CEP97: variants seen among roughly 807,000 people sequenced by gnomAD.
CEP97 encodes centrosomal protein 97, also known as centrosomal protein of 97 kDa.
In CEP97, 43 loss-of-function variants were observed where a neutral mutation model predicts 73.1. That is an observed-to-expected ratio of 0.59 (90% confidence interval 0.46 to 0.76). The LOEUF (loss-of-function observed/expected upper bound fraction) is 0.76, where lower values mean the gene tolerates loss of function less well. Ranked by LOEUF, CEP97 falls within the 30% of genes least tolerant of loss-of-function variation. CEP97 has a pLI of 0.00. For synonymous variants in CEP97, 337 were observed against 370.0 expected, an observed-to-expected ratio of 0.91 and a Z score of 1.02; for missense variants, 939 against 1,014.0, an observed-to-expected ratio of 0.93 and a Z score of 1.00.
At chr3:101,731,627 A>C (rs549371986) in intron 4 of CEP97, among the ~76,000 whole-genome samples, 1 of 152,370 alleles carries the variant, frequency 6.6e-6, no homozygotes, top group East Asian at 1.9e-4. Flanking sequence ...TCTTTAAAAT[A>C]TCATGAGCTT....
chr3:101,725,189 A>C lies in CEP97; in HGVS notation c.43+470A>C, dbSNP rs184956573. On this transcript the variant is annotated intron_variant, in intron 1 of 10. Transcript: ENST00000341893. ...TTTGAACCCTTCCTCGGAGGTGGCC[A>C]GTGGCCGTGATAAAATCTAAGGGAT... Among the ~76,000 whole-genome samples the C allele has an allele frequency of 2.7e-4, 41 of 152,276 alleles. 1 individual carries two copies. The East Asian group carries it at 7.1e-3, about 26-fold the overall frequency.
rs150381754 is a variant in CEP97 at position 101,729,400 on chromosome 3, G to C, written c.447+463G>C. ...TTAAGTTTGAAACTTTTTGTTGTTA[G>C]TTATATAACTCATTTATTTGATGTG... is the stretch of plus-strand genomic sequence containing the variant. On this transcript the variant is annotated intron_variant, in intron 4 of 10. Transcript: ENST00000341893. 7.6e-4 allele frequency among the ~76,000 whole-genome samples: 115 copies of C among 152,002 alleles called. 2 individuals carry two copies. In the East Asian group the frequency reaches 0.022, roughly 29 times the overall value.
Position 101,757,720 on chromosome 3 carries a change from GTA to G in CEP97, c.1115_1116del (p.Val372AlafsTer9). The G allele has an allele frequency of 6.2e-7, 1 of 1,614,202 alleles. No homozygotes were observed. The highest frequency in any genetic ancestry group is 8.5e-7 in the Non-Finnish European group (1 of 1,180,046). ...GGTTAAGAATAATTTTCCAGCCTCT[GTA>G]CACACTACGAGATATTCTCGAAATG... is the stretch of plus-strand genomic sequence containing the variant. ...FAVKNNFPAS[V>X]HTTRYSRNDL... On this transcript the variant is annotated frameshift_variant, in exon 9 of 11. Coordinates refer to ENST00000341893, the MANE Select transcript of CEP97 (RefSeq NM_024548.4). LOFTEE classifies it high-confidence loss of function.
At chr3:101,731,661 A>G (rs1938113990) in intron 4 of CEP97, among the ~76,000 whole-genome samples, 179 bp from the exon 5 acceptor site, 2 of 152,208 alleles carry the variant, frequency 1.3e-5, no homozygotes, top group South Asian at 2.1e-4. Context: ...GAAAACAGAG[A>G]GTTGGACCAG....
At chr3:101,739,685 A>T (rs1167097847) in intron 6 of CEP97, among the ~76,000 whole-genome samples, 1 of 152,118 alleles carries the variant, frequency 6.6e-6, no homozygotes, top group Non-Finnish European at 1.5e-5. Flanking sequence ...AGGTGGGTGG[A>T]TCATGAGGTC....
intron 6 of CEP97, among the ~76,000 whole-genome samples, chr3:101,741,919 G>A (rs1938468812): frequency 6.6e-6 from 1 of 151,994 alleles, no homozygotes; most frequent in South Asian, 2.1e-4. Flanking sequence ...GCGCGCACCT[G>A]TAATCCCAGC....
At chr3:101,738,140 A>G (rs1938341304) in intron 6 of CEP97, among the ~76,000 whole-genome samples, 1 of 152,152 alleles carries the variant, frequency 6.6e-6, no homozygotes, top group African/African-American at 2.4e-5. Context: ...ATGGAACAAG[A>G]AGAGCTAACT....
At chr3:101,764,665 C>G (rs1297461569) in intron 10 of CEP97, among the ~76,000 whole-genome samples, 182 bp from the exon 11 acceptor site, 2 of 150,914 alleles carry the variant, frequency 1.3e-5, no homozygotes, top group African/African-American at 2.4e-5. Flanking sequence ...GGAGTCCTAG[C>G]TGGTTAGGAG....
At chr3:101,763,711 TATGTTTTTAGGTATTTTAGA>T (rs1939231571) in intron 10 of CEP97, among the ~76,000 whole-genome samples, 1 of 152,238 alleles carries the variant, frequency 6.6e-6, no homozygotes, top group Non-Finnish European at 1.5e-5. Context: ...AAGAATTTGG[TATGTTTTTAGGTATTTTAGA>T]AAGTTGCATA....
chr3:101,726,536 A>T, intron 1 of CEP97, 58 bp from the exon 2 acceptor site: 1 of 1,320,208 alleles, frequency 7.6e-7, no homozygotes, highest in Non-Finnish European at 1.0e-6. Context: ...CCCTATGCTT[A>T]GCTGTTGTAC....
At chr3:101,763,714 G>A (rs922850906) in intron 10 of CEP97, among the ~76,000 whole-genome samples, 4 of 152,110 alleles carry the variant, frequency 2.6e-5, no homozygotes, top group African/African-American at 9.7e-5. Flanking sequence ...AATTTGGTAT[G>A]TTTTTAGGTA....
chr3:101,752,228 T>A (rs1938851484), intron 6 of CEP97, among the ~76,000 whole-genome samples: 1 of 152,192 alleles, frequency 6.6e-6, no homozygotes. Flanking sequence ...TGGCCCCCAC[T>A]CTCTTCTGGC....
At chr3:101,758,550 G>T in intron 9 of CEP97, 127 bp downstream of exon 9, 1 of 1,166,226 alleles carries the variant, frequency 8.6e-7, no homozygotes, top group South Asian at 1.5e-5. Flanking sequence ...CTGTTGCTTT[G>T]GTTGTCTCCT....
chr3:101,732,761 A>G (rs1938154508), intron 6 of CEP97, 107 bp downstream of exon 6: 2 of 905,012 alleles, frequency 2.2e-6, no homozygotes, highest in African/African-American at 1.7e-5. Context: ...TAACAAGAGT[A>G]TTAGTGCAGT....
chr3:101,755,796 G>A (rs957015152), intron 7 of CEP97, among the ~76,000 whole-genome samples: 25 of 152,150 alleles, frequency 1.6e-4, no homozygotes, highest in Non-Finnish European at 1.5e-5. Context: ...AGGAATAGAG[G>A]GGTTTTTTTG....
chr3:101,737,103 TC>T (rs1415914703), intron 6 of CEP97, among the ~76,000 whole-genome samples: 7 of 152,042 alleles, frequency 4.6e-5, no homozygotes, highest in African/African-American at 1.7e-4. Context: ...AGATTGAAGA[TC>T]AACTTAATGA....
In CEP97 at chr3:101,758,335, T is replaced by A. The variant is rs1939077549; in HGVS notation, c.1729T>A (p.Tyr577Asn). The change falls in exon 9 of 11, where the codon TAC (tyrosine) becomes AAC (asparagine). Residue 577 changes from tyrosine (Y) to asparagine (N), a missense_variant. Tyr to Asn is a moderately radical substitution (Grantham distance 143). Transcript: ENST00000341893. ...ACWRGFYARN[Y>N]NPQAKDVRYE... ...TTGGCGGGGATTTTATGCCAGGAAC[T>A]ACAACCCTCAAGCCAAAGATGTGCG... 2 of 1,614,162 alleles carry A rather than the reference T, an allele frequency of 1.2e-6. No individual in the cohort carries two copies. Among genetic ancestry groups the A allele is most frequent in the Admixed American group, 1.7e-5 (1 of 60,014 alleles).
Position 101,765,332 on chromosome 3 carries a change from A to G in CEP97, c.2379A>G (p.Thr793=). The change falls in exon 11 of 11, where the codon ACA becomes ACG. Residue 793 remains threonine (T), a synonymous_variant. Coordinates refer to ENST00000341893, the MANE Select transcript of CEP97 (RefSeq NM_024548.4). ...EDADERTNFD[T]ETRDSKLHIA... ...CTGATGAGAGGACCAATTTTGATACAGAGACAAGAGATAGCAAACTTCACA... is the reference window on the plus strand; with the variant it reads ...CTGATGAGAGGACCAATTTTGATACGGAGACAAGAGATAGCAAACTTCACA... The G allele has an allele frequency of 6.2e-7, 1 of 1,614,150 alleles. No individual in the cohort carries two copies. Among genetic ancestry groups the G allele is most frequent in the Non-Finnish European group, 8.5e-7 (1 of 1,180,018 alleles).
At chr3:101,758,531 A>G (rs1375833776) in intron 9 of CEP97, 108 bp downstream of exon 9, 17 of 1,331,482 alleles carry the variant, frequency 1.3e-5, no homozygotes, top group South Asian at 8.1e-5. Flanking sequence ...TTTTCACACA[A>G]TGTAGCCACT....
Sources: gnomAD v4.1 joint callset for allele counts (sites outside exome capture counted in the v4.1 genomes callset) on GRCh38, gnomAD v4.1.1 for gene constraint, MANE v1.5 for transcripts, NCBI Gene and HGNC (gene_info 2026-07-23, HGNC 2026-07-21) for gene names.